The following SH3RF3 variants were observed in gnomAD, a reference collection of about 807,000 sequenced individuals.
SH3RF3 encodes SH3 domain containing ring finger 3.
Under a neutral mutation model 66.3 loss-of-function variants are expected in SH3RF3, and 29 were observed. The ratio of observed to expected loss-of-function variants is 0.44; its 90% CI spans 0.33 to 0.60. The LOEUF is 0.60. Ranked by LOEUF, SH3RF3 falls within the 20% of genes least tolerant of loss-of-function variation. The pLI is 0.04. For synonymous variants in SH3RF3, 583 were observed against 532.0 expected, an observed-to-expected ratio of 1.10 and a Z score of -1.32; for missense variants, 1,194 against 1,190.9, an observed-to-expected ratio of 1.00 and a Z score of -0.04.
intron 1 of SH3RF3, among the ~76,000 whole-genome samples, chr2:109,253,333 G>A (rs1376352916): frequency 1.3e-5 from 2 of 152,180 alleles, no homozygotes; most frequent in African/African-American, 4.8e-5. Context: ...CTTTAAATTT[G>A]ATTAAGGTGC....
At chr2:109,344,149 G>A (rs771789758) in intron 1 of SH3RF3, among the ~76,000 whole-genome samples, 7 of 152,166 alleles carry the variant, frequency 4.6e-5, no homozygotes, top group East Asian at 1.9e-4. Flanking sequence ...GACCTGCTAC[G>A]CAGGGAGAAC....
At chr2:109,230,112 C>A (rs137890395) in intron 1 of SH3RF3, among the ~76,000 whole-genome samples, 1,927 of 152,192 alleles carry the variant, frequency 0.013, 20 homozygotes, top group South Asian at 0.024. Flanking sequence ...GTGCGAGCCA[C>A]CGCACCTGGC....
intron 1 of SH3RF3, among the ~76,000 whole-genome samples, chr2:109,329,620 C>T (rs1699907156): frequency 2.0e-5 from 3 of 152,206 alleles, no homozygotes; most frequent in African/African-American, 4.8e-5. Flanking sequence ...AGGCCTCCCT[C>T]AAGGGAGGAC....
At chr2:109,184,884 A>C (rs899072254) in intron 1 of SH3RF3, among the ~76,000 whole-genome samples, 18 of 152,266 alleles carry the variant, frequency 1.2e-4, no homozygotes, top group Admixed American at 6.5e-4. Flanking sequence ...CTGGTCCCTC[A>C]GCGAAAAAGG....
intron 4 of SH3RF3, among the ~76,000 whole-genome samples, chr2:109,407,948 T>C (rs1250322935): frequency 6.6e-6 from 1 of 152,196 alleles, no homozygotes; most frequent in Admixed American, 6.5e-5. Context: ...GCAGTGTTTC[T>C]TTTGCTGCTA....
At chr2:109,250,941 C>T (rs895913628) in intron 1 of SH3RF3, among the ~76,000 whole-genome samples, 1 of 151,744 alleles carries the variant, frequency 6.6e-6, no homozygotes, top group Admixed American at 6.6e-5. Flanking sequence ...TCTAAATTAA[C>T]GTTGTTTAGG....
intron 1 of SH3RF3, among the ~76,000 whole-genome samples, chr2:109,182,252 T>C (rs894475364): frequency 7.2e-5 from 11 of 152,176 alleles, no homozygotes; most frequent in Admixed American, 5.9e-4. Context: ...GTGAGAGTCA[T>C]CCCATGGCAG....
intron 1 of SH3RF3, among the ~76,000 whole-genome samples, chr2:109,144,562 C>T (rs980301483): frequency 2.6e-5 from 4 of 152,352 alleles, no homozygotes; most frequent in Middle Eastern, 6.8e-3. Flanking sequence ...CAATTTTATG[C>T]TTGCAAGCAG....
At chr2:109,383,127 G>T (rs949753786) in intron 3 of SH3RF3, among the ~76,000 whole-genome samples, 1 of 152,240 alleles carries the variant, frequency 6.6e-6, no homozygotes, top group African/African-American at 2.4e-5. Context: ...GGCAGACCTT[G>T]TGAGTGCTTG....
At chr2:109,138,628 T>A (rs1026888733) in intron 1 of SH3RF3, among the ~76,000 whole-genome samples, 1 of 152,204 alleles carries the variant, frequency 6.6e-6, no homozygotes, top group Non-Finnish European at 1.5e-5. Context: ...TTCCTGTTCA[T>A]CTGCAGTGAG....
chr2:109,412,483 T>C (rs1214198448), intron 4 of SH3RF3, among the ~76,000 whole-genome samples: 1 of 152,196 alleles, frequency 6.6e-6, no homozygotes, highest in Non-Finnish European at 1.5e-5. Context: ...GCAGGACCAG[T>C]GCGTGCCTAT....
chr2:109,201,341 C>T (rs1035896710), intron 1 of SH3RF3, among the ~76,000 whole-genome samples: 1 of 152,246 alleles, frequency 6.6e-6, no homozygotes, highest in Non-Finnish European at 1.5e-5. Flanking sequence ...GACCTAGAAC[C>T]CACAGGTACA....
chr2:109,442,937 A>G (rs1244684632), intron 7 of SH3RF3, among the ~76,000 whole-genome samples: 3 of 152,172 alleles, frequency 2.0e-5, no homozygotes, highest in African/African-American at 7.2e-5. Flanking sequence ...AAACAAACAA[A>G]AAACCAACGA....
rs529035294 is a variant in SH3RF3 at position 109,188,944 on chromosome 2, C to A, written c.573+58831C>A. 2.0e-5 allele frequency among the ~76,000 whole-genome samples: 3 copies of A among 151,874 alleles called. No homozygotes were observed. The East Asian group carries it at 5.8e-4, about 29-fold the overall frequency. ...TTTCTTTGTTTAATTAAAAAAAAAA[C>A]CTGAAAATGTTTGTGAAGTACTCTT... On this transcript the variant is annotated intron_variant, in intron 1 of 9. Coordinates refer to ENST00000309415, the MANE Select transcript of SH3RF3 (RefSeq NM_001099289.3).
intron 1 of SH3RF3, among the ~76,000 whole-genome samples, chr2:109,317,824 G>A (rs570216984): frequency 6.6e-6 from 1 of 152,250 alleles, no homozygotes; most frequent in Non-Finnish European, 1.5e-5. Flanking sequence ...TTAAGAACTA[G>A]CGCATCCGTC....
intron 8 of SH3RF3, among the ~76,000 whole-genome samples, chr2:109,453,485 C>G (rs1434036772): frequency 1.3e-5 from 2 of 152,178 alleles, no homozygotes; most frequent in Admixed American, 1.3e-4. Context: ...CCAGGTGATA[C>G]GAACCCTCAG....
At chr2:109,406,754 G>T (rs1016558956) in intron 4 of SH3RF3, among the ~76,000 whole-genome samples, 2 of 152,148 alleles carry the variant, frequency 1.3e-5, no homozygotes, top group East Asian at 1.9e-4. Context: ...CTGACTCCTG[G>T]TGTAGAATGT....
chr2:109,314,903 G>A (rs1681835477), intron 1 of SH3RF3, among the ~76,000 whole-genome samples: 1 of 152,162 alleles, frequency 6.6e-6, no homozygotes, highest in African/African-American at 2.4e-5. Flanking sequence ...CTAAGCCCTC[G>A]CTGGTGACCA....
chr2:109,477,394 C>T (rs1678711865), intron 8 of SH3RF3, among the ~76,000 whole-genome samples: 1 of 152,192 alleles, frequency 6.6e-6, no homozygotes. Flanking sequence ...AGCCACTGTC[C>T]TTGGAGGCTC....
Sources: allele counts gnomAD v4.1 joint callset (sites outside exome capture counted in the v4.1 genomes callset), GRCh38; gene constraint gnomAD v4.1.1; transcripts MANE v1.5; gene names NCBI Gene and HGNC (gene_info 2026-07-23, HGNC 2026-07-21).